Variants in HOOK3 observed in about 807,000 individuals in gnomAD.
HOOK3 encodes protein Hook homolog 3.
Under a neutral mutation model 116.3 loss-of-function variants are expected in HOOK3, and 24 were observed. That is an observed-to-expected ratio of 0.21 (90% CI 0.15 to 0.29). The LOEUF is 0.29. Among genes scored for constraint, HOOK3 ranks in the 10% least tolerant of loss-of-function variants. The pLI is 1.00. For missense variants in HOOK3, 632 were observed against 830.2 expected, an observed-to-expected ratio of 0.76 and a Z score of 2.93; for synonymous variants, 275 against 283.0, an observed-to-expected ratio of 0.97 and a Z score of 0.28.
In HOOK3 at chr8:42,966,581, T is replaced by C; in HGVS notation, c.888T>C (p.Ala296=). The C allele has an allele frequency of 6.2e-7, 1 of 1,614,132 alleles. No homozygotes were observed. Among genetic ancestry groups the C allele is most frequent in the Non-Finnish European group, 8.5e-7 (1 of 1,179,990 alleles). ...AACTGACCACTTTGGCAGATGAAGC[T>C]CAGTCTCTGAAAGATGAGATCGACG... is the stretch of plus-strand genomic sequence containing the variant. ...NDELTTLADE[A]QSLKDEIDVL... is the part of the protein sequence containing the mutation. The change falls in exon 10 of 22, where the codon GCT becomes GCC. Residue 296 remains alanine, a synonymous_variant. Transcript: ENST00000307602.
At chr8:42,975,940 T>C (rs1340777250) in intron 13 of HOOK3, among the ~76,000 whole-genome samples, 4 of 152,052 alleles carry the variant, frequency 2.6e-5, no homozygotes, top group Admixed American at 2.0e-4. Context: ...CTCCTGACCA[T>C]GTGATCTGCC....
chr8:42,918,649 C>A (rs1807579403), intron 2 of HOOK3, among the ~76,000 whole-genome samples: 1 of 152,102 alleles, frequency 6.6e-6, no homozygotes, highest in Non-Finnish European at 1.5e-5. Flanking sequence ...ATGCTGCCTT[C>A]AAGCATCTGT....
At chr8:42,979,924 C>A (rs574399092) in intron 13 of HOOK3, among the ~76,000 whole-genome samples, 2 of 151,360 alleles carry the variant, frequency 1.3e-5, no homozygotes, top group Admixed American at 6.6e-5. Flanking sequence ...TCACATATCT[C>A]TAATCATCTC....
chr8:42,994,492 G>T, intron 15 of HOOK3: 1 of 360,372 alleles, frequency 2.8e-6, no homozygotes, highest in East Asian at 1.0e-4. Flanking sequence ...CATAGATTTC[G>T]GTATGTTGTG....
intron 8 of HOOK3, among the ~76,000 whole-genome samples, chr8:42,961,049 A>C (rs927393781): frequency 6.6e-6 from 1 of 152,208 alleles, no homozygotes; most frequent in Admixed American, 6.5e-5. Context: ...TGGCAAGAGT[A>C]GGAGCAAGGG....
chr8:42,994,890 T>G (rs1809236169), intron 15 of HOOK3, among the ~76,000 whole-genome samples: 1 of 152,360 alleles, frequency 6.6e-6, no homozygotes, highest in East Asian at 1.9e-4. Flanking sequence ...TTCCGCCTAG[T>G]TGGCTTACAG....
chr8:42,922,940 T>C (rs1182713692), intron 2 of HOOK3, among the ~76,000 whole-genome samples: 1 of 151,144 alleles, frequency 6.6e-6, no homozygotes, highest in African/African-American at 2.4e-5. Flanking sequence ...GGAGAAAATA[T>C]TCACACATCA....
At chr8:42,902,193 T>C (rs1283712877) in intron 1 of HOOK3, among the ~76,000 whole-genome samples, 1 of 152,098 alleles carries the variant, frequency 6.6e-6, no homozygotes, top group Non-Finnish European at 1.5e-5. Context: ...GATGAACTTG[T>C]TAAAAATAGA....
chr8:42,953,111 G>T (rs1808371362), intron 6 of HOOK3, among the ~76,000 whole-genome samples: 2 of 151,944 alleles, frequency 1.3e-5, no homozygotes, highest in South Asian at 4.2e-4. Flanking sequence ...CTGGGAAATG[G>T]GGTCCTTATT....
intron 15 of HOOK3, chr8:42,994,420 C>T (rs1436409818): frequency 2.4e-5 from 10 of 410,878 alleles, no homozygotes; most frequent in Admixed American, 2.2e-4. Context: ...AAGGTTTTCT[C>T]TTTTTTGATG....
At chr8:42,946,949 T>G (rs772403768) in intron 5 of HOOK3, among the ~76,000 whole-genome samples, 1 of 152,042 alleles carries the variant, frequency 6.6e-6, no homozygotes, top group Non-Finnish European at 1.5e-5. Context: ...TTTTGTATTT[T>G]TAGTAGAGAC....
chr8:42,946,518 AT>A (rs35256929), intron 5 of HOOK3, among the ~76,000 whole-genome samples: 44 of 148,822 alleles, frequency 3.0e-4, no homozygotes, highest in African/African-American at 6.1e-4. Context: ...AAGACGATGA[AT>A]TTTTTTTTTT....
At chr8:42,942,322 T>C (rs1808143458) in intron 4 of HOOK3, among the ~76,000 whole-genome samples, 2 of 152,208 alleles carry the variant, frequency 1.3e-5, no homozygotes, top group South Asian at 2.1e-4. Flanking sequence ...TTTTTCATTG[T>C]AGAATAAATG....
chr8:42,942,106 A>G (rs563772082), intron 4 of HOOK3, among the ~76,000 whole-genome samples: 3 of 152,246 alleles, frequency 2.0e-5, no homozygotes, highest in South Asian at 2.1e-4. Context: ...TAAAAATACA[A>G]AATTAGCTGG....
In HOOK3 at chr8:42,959,309, A is replaced by G. The variant is rs765736625; in HGVS notation, c.610A>G (p.Met204Val). The stretch of plus-strand genomic sequence containing the variant: ...TGCTCAAAGATGCCATGAACTGGAT[A>G]TGCAGGTAAGAGATTTGTTCTGTGC... ...EIAQRCHELD[M>V]QVAALQEEKS... The change falls in exon 8 of 22, where the codon ATG becomes GTG. Residue 204 changes from methionine to valine, a missense_variant. This residue lies in a region of HOOK3 where 483 missense variants were observed against 648.1 expected (regional missense o/e 0.75). Coordinates refer to ENST00000307602, the MANE Select transcript of HOOK3 (RefSeq NM_032410.4). 1 of 1,606,942 alleles carries G rather than the reference A, an allele frequency of 6.2e-7. No individual in the cohort carries two copies. The highest frequency in any genetic ancestry group is 1.1e-5 in the South Asian group (1 of 90,908).
At chr8:42,935,510 T>A (rs1807950748) in intron 4 of HOOK3, among the ~76,000 whole-genome samples, 1 of 152,194 alleles carries the variant, frequency 6.6e-6, no homozygotes, top group Non-Finnish European at 1.5e-5. Context: ...CTTCTAGGGT[T>A]TTTATGGTTT....
At position 42,973,410 on chromosome 8, in the gene HOOK3, ATATT is replaced by A. The variant is rs1365027725; in HGVS notation, c.1233+12_1233+15del. On this transcript the variant is annotated intron_variant, in intron 12 of 21. Transcript: ENST00000307602. ...CAAAAAGAAAAGGACGTGAGTATATATATTAGGCATTTTGGTTTTGAGCACTGCT... is the reference window on the plus strand; with the variant it reads ...CAAAAAGAAAAGGACGTGAGTATATAAGGCATTTTGGTTTTGAGCACTGCT... The A allele has an allele frequency of 2.5e-6, 4 of 1,575,520 alleles. No individual in the cohort carries two copies. Among genetic ancestry groups the A allele is most frequent in the Admixed American group, 3.7e-5 (2 of 53,698 alleles).
In HOOK3 at chr8:42,964,316, A is replaced by T. The variant is rs199816767; in HGVS notation, c.621A>T (p.Ala207=). The T allele has an allele frequency of 1.2e-6, 2 of 1,613,992 alleles. No homozygotes were observed. Among genetic ancestry groups the T allele is most frequent in the African/African-American group, 1.3e-5 (1 of 74,942 alleles). ...QRCHELDMQV[A]ALQEEKSSLL... ...GTCGTCCTATATTCCAACAGGTTGCAGCATTGCAGGAAGAGAAAAGTAGTT... is the reference window on the plus strand; with the variant it reads ...GTCGTCCTATATTCCAACAGGTTGCTGCATTGCAGGAAGAGAAAAGTAGTT... The change falls in exon 9 of 22, where the codon GCA becomes GCT. Residue 207 remains alanine, a synonymous_variant. Coordinates refer to ENST00000307602, the MANE Select transcript of HOOK3 (RefSeq NM_032410.4).
At chr8:43,011,106 C>T (rs1809600779) in intron 19 of HOOK3, among the ~76,000 whole-genome samples, 1 of 152,008 alleles carries the variant, frequency 6.6e-6, no homozygotes, top group Admixed American at 6.6e-5. Context: ...CATTCTCCTG[C>T]CTCAGCCTCC....
Sources: gnomAD v4.1 joint callset for allele counts (sites outside exome capture counted in the v4.1 genomes callset) on GRCh38, gnomAD v4.1.1 for gene constraint, gnomAD v4.1.1 regional missense constraint, MANE v1.5 for transcripts, NCBI Gene and HGNC (gene_info 2026-07-23, HGNC 2026-07-21) for gene names.